The following SGCZ variants were observed in gnomAD, a reference collection of about 807,000 sequenced individuals.
SGCZ encodes the protein zeta-sarcoglycan.
In SGCZ, 40 loss-of-function variants were observed where a neutral mutation model predicts 41.3. The observed-to-expected ratio is 0.97, with a 90% CI of 0.75 to 1.26. The LOEUF is 1.26. Ranked by LOEUF, SGCZ falls within the 50% of genes most tolerant of loss-of-function variation. The probability of loss-of-function intolerance (pLI) is 0.00; values close to 1 mark genes in which losing one functional copy is unlikely to be tolerated. For missense variants in SGCZ, 552 were observed against 369.8 expected (o/e 1.49, Z -4.04); for synonymous variants, 206 against 137.5 (o/e 1.50, Z -3.49).
chr8:14,557,844 C>T (rs1804080018), intron 1 of SGCZ, among the ~76,000 whole-genome samples: 2 of 151,876 alleles, frequency 1.3e-5, no homozygotes, highest in Non-Finnish European at 2.9e-5. Context: ...TTGAAACAAA[C>T]AAACAAAAAT....
At chr8:14,210,046 TTTTG>T (rs1241591192) in intron 4 of SGCZ, among the ~76,000 whole-genome samples, 6 of 152,130 alleles carry the variant, frequency 3.9e-5, no homozygotes, top group East Asian at 3.9e-4. Flanking sequence ...CACTATTAAG[TTTTG>T]TTTGTTTGTT....
intron 1 of SGCZ, among the ~76,000 whole-genome samples, chr8:15,210,525 C>A (rs1270449563): frequency 1.3e-5 from 2 of 152,150 alleles, no homozygotes; most frequent in Admixed American, 6.5e-5. Flanking sequence ...TTACTTGCAA[C>A]CTGGCTCTTG....
chr8:14,140,760 G>C (rs983225451), intron 5 of SGCZ, among the ~76,000 whole-genome samples: 2 of 152,086 alleles, frequency 1.3e-5, no homozygotes, highest in African/African-American at 2.4e-5. Context: ...GTAATTTATA[G>C]ATTCAATGCC....
In SGCZ at chr8:14,736,296, T is replaced by G. The variant is rs796631166; in HGVS notation, c.40-181370A>C. 3.3e-5 allele frequency among the ~76,000 whole-genome samples: 5 copies of G among 152,258 alleles called. 2 individuals are homozygous for G. In the South Asian group the frequency reaches 1.0e-3, roughly 32 times the overall value. On this transcript the variant is annotated intron_variant, in intron 1 of 7. Coordinates refer to ENST00000382080, the MANE Select transcript of SGCZ (RefSeq NM_139167.4). ...TTGTGTAACTGGATCATCATCACAA[T>G]TAAGCAACATAAATTCCCTTTAAAT...
chr8:15,067,666 T>C (rs1805203401), intron 1 of SGCZ, among the ~76,000 whole-genome samples: 2 of 152,358 alleles, frequency 1.3e-5, no homozygotes, highest in Non-Finnish European at 2.9e-5. Flanking sequence ...CACATTATTT[T>C]CTTTGATTAC....
At chr8:14,357,666 G>C (rs1440030808) in intron 2 of SGCZ, among the ~76,000 whole-genome samples, 1 of 152,164 alleles carries the variant, frequency 6.6e-6, no homozygotes, top group Admixed American at 6.5e-5. Flanking sequence ...GGCATTGACT[G>C]TTGATTAGGG....
At chr8:14,819,408 C>T (rs961054306) in intron 1 of SGCZ, among the ~76,000 whole-genome samples, 10 of 152,052 alleles carry the variant, frequency 6.6e-5, no homozygotes, top group Non-Finnish European at 1.3e-4. Context: ...ATATATCATC[C>T]CATTGTCTCC....
chr8:14,720,846 A>G (rs1809860738), intron 1 of SGCZ, among the ~76,000 whole-genome samples: 2 of 152,028 alleles, frequency 1.3e-5, no homozygotes, highest in Admixed American at 1.3e-4. Flanking sequence ...TTATGTACCA[A>G]TATTTCTTCT....
chr8:14,689,714 T>C (rs1808736073), intron 1 of SGCZ, among the ~76,000 whole-genome samples: 1 of 152,194 alleles, frequency 6.6e-6, no homozygotes, highest in African/African-American at 2.4e-5. Flanking sequence ...CTGCTCTTAT[T>C]TGTAGGATGA....
intron 1 of SGCZ, among the ~76,000 whole-genome samples, chr8:14,639,831 G>A (rs1313413376): frequency 6.6e-6 from 1 of 151,008 alleles, no homozygotes; most frequent in African/African-American, 2.4e-5. Context: ...GAGTTAATGT[G>A]ATTCCAGCCA....
At chr8:15,169,841 T>G (rs950164566) in intron 1 of SGCZ, among the ~76,000 whole-genome samples, 5 of 152,144 alleles carry the variant, frequency 3.3e-5, no homozygotes, top group Non-Finnish European at 7.4e-5. Flanking sequence ...ATGTTTCCAT[T>G]CTGGGGGGAT....
intron 2 of SGCZ, among the ~76,000 whole-genome samples, chr8:14,333,487 T>C (rs2117057327): frequency 6.6e-6 from 1 of 152,102 alleles, no homozygotes; most frequent in African/African-American, 2.4e-5. Flanking sequence ...TTCCCAACTG[T>C]GCTTAATAGA....
At chr8:14,895,749 T>C (rs1805172229) in intron 1 of SGCZ, among the ~76,000 whole-genome samples, 3 of 152,288 alleles carry the variant, frequency 2.0e-5, no homozygotes, top group Middle Eastern at 6.8e-3. Context: ...GAAAAGCAAA[T>C]TGCAAATGTA....
At chr8:14,752,277 C>T (rs1799524867) in intron 1 of SGCZ, among the ~76,000 whole-genome samples, 2 of 152,002 alleles carry the variant, frequency 1.3e-5, no homozygotes, top group African/African-American at 2.4e-5. Flanking sequence ...CATTAGAACG[C>T]ATTTATCAAG....
chr8:14,265,263 G>A (rs1799830970), intron 3 of SGCZ, among the ~76,000 whole-genome samples: 2 of 152,120 alleles, frequency 1.3e-5, no homozygotes, highest in African/African-American at 2.4e-5. Flanking sequence ...TAACTTTGCC[G>A]AGAAATACAT....
rs373864941 is a variant in SGCZ at position 14,205,596 on chromosome 8, T to G, written c.424+31996A>C. The stretch of plus-strand genomic sequence containing the variant: ...TTTCTCCCTAAATGATCTATTATAT[T>G]TTCTTCAATCTGACAAAGCAAACTA... On this transcript the variant is annotated intron_variant, in intron 4 of 7. Coordinates refer to ENST00000382080, the MANE Select transcript of SGCZ (RefSeq NM_139167.4). 7.6e-4 allele frequency among the ~76,000 whole-genome samples: 116 copies of G among 152,278 alleles called. 1 individual carries two copies. The East Asian group carries it at 0.015, about 19-fold the overall frequency.
chr8:14,745,907 AT>A lies in SGCZ; in HGVS notation c.40-190982del, dbSNP rs570991067. On this transcript the variant is annotated intron_variant, in intron 1 of 7. Transcript: ENST00000382080. ...CTCCTTCAGGAAATAACCCAAACAG[AT>A]TTTTTTTTAAAAGACTTATGCTTAC... is the stretch of plus-strand genomic sequence containing the variant. 2.2e-4 allele frequency among the ~76,000 whole-genome samples: 33 copies of A among 151,630 alleles called. 1 individual carries two copies. Among genetic ancestry groups the A allele is most frequent in the African/African-American group, 7.2e-4 (30 of 41,388 alleles).
intron 2 of SGCZ, among the ~76,000 whole-genome samples, chr8:14,421,959 G>A (rs967986474): frequency 6.6e-6 from 1 of 152,086 alleles, no homozygotes; most frequent in African/African-American, 2.4e-5. Context: ...GAAAATGTTA[G>A]TCATGCTTTA....
rs185872677 is a variant in SGCZ at position 14,809,851 on chromosome 8, C to T, written c.40-254925G>A. 2.9e-3 allele frequency among the ~76,000 whole-genome samples: 444 copies of T among 152,126 alleles called. 2 individuals are homozygous for T. Among genetic ancestry groups the T allele is most frequent in the African/African-American group, 9.9e-3 (412 of 41,538 alleles). On this transcript the variant is annotated intron_variant, in intron 1 of 7. Coordinates refer to ENST00000382080, the MANE Select transcript of SGCZ (RefSeq NM_139167.4). The stretch of plus-strand genomic sequence containing the variant: ...TACTATTAATTCTGATGTTTAAGAA[C>T]GCAAGCCATAAGAAATGTTTTGATT...
Sources: allele counts gnomAD v4.1 joint callset (sites outside exome capture counted in the v4.1 genomes callset), GRCh38; gene constraint gnomAD v4.1.1; transcripts MANE v1.5; gene names NCBI Gene and HGNC (gene_info 2026-07-23, HGNC 2026-07-21).